Variants in DACH2 observed in about 807,000 individuals in gnomAD.
DACH2 encodes dachshund family transcription factor 2, also known as dachshund homolog 2.
In DACH2, 17 loss-of-function variants were observed where a neutral mutation model predicts 35.8. The ratio of observed to expected loss-of-function variants is 0.48; its 90% CI spans 0.33 to 0.71. The LOEUF (loss-of-function observed/expected upper bound fraction) is 0.71. Among genes scored for constraint, DACH2 ranks in the 30% least tolerant of loss-of-function variants. The probability of loss-of-function intolerance (pLI) is 0.02; values close to 1 mark genes in which losing one functional copy is unlikely to be tolerated. For missense variants in DACH2, 469 were observed against 472.7 expected, an observed-to-expected ratio of 0.99 and a Z score of 0.07; for synonymous variants, 195 against 177.3, an observed-to-expected ratio of 1.10 and a Z score of -0.79.
intron 1 of DACH2, among the ~76,000 whole-genome samples, chrX:86,185,244 T>C (rs2031647918): frequency 8.9e-6 from 1 of 112,143 alleles, no homozygotes; most frequent in African/African-American, 3.2e-5. Flanking sequence ...GCAACTTGCA[T>C]ACGTCAAATC....
chrX:86,323,739 G>A (rs186346845), intron 1 of DACH2, among the ~76,000 whole-genome samples: 18 of 110,937 alleles, frequency 1.6e-4, no homozygotes, highest in African/African-American at 4.9e-4. Context: ...CCTGCACAAC[G>A]GCAAAGTTCT....
chrX:86,789,477 A>T (rs963391232), intron 7 of DACH2, among the ~76,000 whole-genome samples: 9 of 111,651 alleles, frequency 8.1e-5, no homozygotes, highest in Admixed American at 9.5e-5. Flanking sequence ...TAATTTTTTT[A>T]AAAATTCCAA....
rs755153471 is a variant in DACH2, at chrX:86,319,477, A to G, written c.489-57347A>G. Among the ~76,000 whole-genome samples the G allele has an allele frequency of 3.6e-5, 4 of 111,961 alleles. No individual in the cohort carries two copies. In the East Asian group the frequency reaches 1.1e-3, roughly 31 times the overall value. Reference sequence around the variant, plus strand: ...TGATACGTTGTTTTAATTATGTACTAGATACAGATAAAGTATGACTCCTTT... The same window carrying G: ...TGATACGTTGTTTTAATTATGTACTGGATACAGATAAAGTATGACTCCTTT... On this transcript the variant is annotated intron_variant, in intron 1 of 11. Coordinates refer to ENST00000373125, the MANE Select transcript of DACH2 (RefSeq NM_053281.3).
chrX:86,376,265 G>A (rs1168253856), intron 1 of DACH2, among the ~76,000 whole-genome samples: 1 of 108,218 alleles, frequency 9.2e-6, no homozygotes, highest in African/African-American at 3.4e-5. Flanking sequence ...ATCTGTCGGA[G>A]ATCAATGGCT....
chrX:86,701,502 C>A (rs773001046), intron 5 of DACH2, among the ~76,000 whole-genome samples: 14 of 111,297 alleles, frequency 1.3e-4, no homozygotes, highest in Admixed American at 5.7e-4. Context: ...TACTGGAAGT[C>A]CTGGCCAGAG....
chrX:86,727,829 CT>C (rs1266734885), intron 6 of DACH2, among the ~76,000 whole-genome samples: 1 of 111,926 alleles, frequency 8.9e-6, no homozygotes, highest in East Asian at 2.8e-4. Context: ...GCCAATTAAA[CT>C]TTTTTTCTTA....
chrX:86,562,033 G>A (rs1250247209), intron 3 of DACH2, among the ~76,000 whole-genome samples: 1 of 108,972 alleles, frequency 9.2e-6, no homozygotes, highest in Non-Finnish European at 1.9e-5. Context: ...ATCTTTTGAA[G>A]GTGTTATAAA....
chrX:86,830,798 C>A (rs1384975972), intron 11 of DACH2: 1 of 111,383 alleles, frequency 9.0e-6, no homozygotes, highest in African/African-American at 3.3e-5. Context: ...TGTCAAAGAG[C>A]TTTCCTTTGA....
intron 3 of DACH2, among the ~76,000 whole-genome samples, chrX:86,637,241 A>AAAAAAAAAAAAC (rs1569457456): frequency 1.3e-5 from 1 of 77,926 alleles, no homozygotes; most frequent in African/African-American, 4.9e-5. Flanking sequence ...AAAAAAAAAA[A>AAAAAAAAAAAAC]AAAAACAGAT....
At chrX:86,186,402 G>T (rs182457691) in intron 1 of DACH2, among the ~76,000 whole-genome samples, 148 of 111,980 alleles carry the variant, frequency 1.3e-3, no homozygotes, top group Non-Finnish European at 2.1e-3. Flanking sequence ...AATTTATTTT[G>T]AAAGTCACTT....
intron 1 of DACH2, among the ~76,000 whole-genome samples, chrX:86,359,095 G>GTGTGTA (rs1477029740): frequency 4.6e-5 from 5 of 108,274 alleles, no homozygotes; most frequent in African/African-American, 1.7e-4. Context: ...GTGTGTGTGT[G>GTGTGTA]TGTGTGTGTG....
chrX:86,293,942 C>G (rs1363351407), intron 1 of DACH2, among the ~76,000 whole-genome samples: 2 of 111,072 alleles, frequency 1.8e-5, no homozygotes, highest in African/African-American at 6.6e-5. Context: ...GTGGCATTCT[C>G]TGTATTTCCT....
At chrX:86,453,856 T>C (rs2037426697) in intron 2 of DACH2, among the ~76,000 whole-genome samples, 1 of 110,353 alleles carries the variant, frequency 9.1e-6, no homozygotes, top group Admixed American at 9.7e-5. Context: ...CTTGTTTATG[T>C]AATTGCTTCA....
chrX:86,574,588 G>T lies in DACH2; in HGVS notation c.640+60197G>T, dbSNP rs191969694. 4.5e-3 allele frequency among the ~76,000 whole-genome samples: 501 copies of T among 111,276 alleles called. 5 individuals carry two copies. Among genetic ancestry groups the T allele is most frequent in the African/African-American group, 0.016 (479 of 30,719 alleles). The stretch of plus-strand genomic sequence containing the variant: ...TCAATATGTATAACCATCTATCTGT[G>T]CCTGGACAAGTATGGAGAGCTATGC... On this transcript the variant is annotated intron_variant, in intron 3 of 11. Transcript: ENST00000373125.
intron 1 of DACH2, among the ~76,000 whole-genome samples, chrX:86,258,104 A>C (rs1055240142): frequency 4.5e-5 from 5 of 112,228 alleles, no homozygotes; most frequent in Non-Finnish European, 9.4e-5. Flanking sequence ...ATCCATAGGG[A>C]TGGTTGAGTA....
At chrX:86,304,312 C>A (rs928634728) in intron 1 of DACH2, 9 of 112,196 alleles carry the variant, frequency 8.0e-5, no homozygotes, top group African/African-American at 2.9e-4. Flanking sequence ...TCAGAAGCTG[C>A]AAGCTGTGTA....
intron 1 of DACH2, among the ~76,000 whole-genome samples, chrX:86,299,404 A>T (rs139344055): frequency 8.9e-6 from 1 of 111,816 alleles, no homozygotes; most frequent in Non-Finnish European, 1.9e-5. Context: ...CATGTGTATA[A>T]TGGATCATGT....
intron 7 of DACH2, among the ~76,000 whole-genome samples, chrX:86,749,519 A>G (rs184956276): frequency 5.3e-4 from 59 of 111,700 alleles, no homozygotes; most frequent in African/African-American, 1.9e-3. Flanking sequence ...CAGTCAGAAC[A>G]TGCAAAGCAT....
chrX:86,736,584 CT>C, intron 6 of DACH2, among the ~76,000 whole-genome samples: 1 of 111,107 alleles, frequency 9.0e-6, no homozygotes. Flanking sequence ...TTTATAGGTG[CT>C]CTTATGATTT....
Sources: allele counts gnomAD v4.1 joint callset (sites outside exome capture counted in the v4.1 genomes callset), GRCh38; gene constraint gnomAD v4.1.1; transcripts MANE v1.5; gene names NCBI Gene and HGNC (gene_info 2026-07-23, HGNC 2026-07-21).